Variants in FBLN7 observed in about 807,000 individuals in gnomAD.
The protein encoded by FBLN7 is fibulin-7.
Under a neutral mutation model 44.0 loss-of-function variants are expected in FBLN7, and 31 were observed. That is an observed-to-expected ratio of 0.70 (90% CI 0.53 to 0.95). The LOEUF (loss-of-function observed/expected upper bound fraction) is 0.95, where lower values mean the gene tolerates loss of function less well. Ranked by LOEUF, FBLN7 falls within the 40% of genes least tolerant of loss-of-function variation. The pLI is 0.00. For synonymous variants in FBLN7, 262 were observed against 253.4 expected, an observed-to-expected ratio of 1.03 and a Z score of -0.32; for missense variants, 573 against 618.5, an observed-to-expected ratio of 0.93 and a Z score of 0.78.
chr2:112,199,870 C>T, the FBLN7 span, among the ~76,000 whole-genome samples: 4 of 152,182 alleles, frequency 2.6e-5, no homozygotes, highest in East Asian at 7.7e-4. Context: ...CTCTCTGGCT[C>T]TCCTGCTGTT....
At chr2:112,236,664 A>G in the FBLN7 span, 4 of 1,613,072 alleles carry the variant, frequency 2.5e-6, no homozygotes, top group Non-Finnish European at 3.4e-6. Context: ...TCTTGTGACC[A>G]GCTTTAAGAT....
downstream of FBLN7, among the ~76,000 whole-genome samples, chr2:112,192,785 T>A (rs928913853): frequency 2.6e-5 from 4 of 152,198 alleles, no homozygotes; most frequent in African/African-American, 4.8e-5. Flanking sequence ...TTATGACTCT[T>A]AGCTTGTACA....
At chr2:112,210,943 G>A in the FBLN7 span, among the ~76,000 whole-genome samples, 33 of 152,250 alleles carry the variant, frequency 2.2e-4, 1 homozygote, top group Admixed American at 2.0e-3. Context: ...TGAGGGCTAC[G>A]GTGGGAAGAT....
At chr2:112,229,085 G>GA in the FBLN7 span, among the ~76,000 whole-genome samples, 3 of 152,148 alleles carry the variant, frequency 2.0e-5, no homozygotes, top group African/African-American at 7.2e-5. Context: ...ATATACTGGA[G>GA]AAAAAGACAA....
At chr2:112,169,761 A>C (rs1479326955) in intron 3 of FBLN7, among the ~76,000 whole-genome samples, 1 of 152,128 alleles carries the variant, frequency 6.6e-6, no homozygotes, top group Non-Finnish European at 1.5e-5. Flanking sequence ...ACACCAAGGG[A>C]AGCGAGCTGA....
At chr2:112,192,284 C>A (rs1385420208), downstream of FBLN7, among the ~76,000 whole-genome samples, 1 of 152,258 alleles carries the variant, frequency 6.6e-6, no homozygotes, top group South Asian at 2.1e-4. Context: ...TTTTCCACCC[C>A]CAACAGCAAT....
the FBLN7 span, among the ~76,000 whole-genome samples, chr2:112,193,810 T>TA: frequency 2.6e-5 from 4 of 152,128 alleles, no homozygotes; most frequent in Non-Finnish European, 5.9e-5. Context: ...TGGATGGCCA[T>TA]ATTGGGCTCA....
chr2:112,158,316 C>G (rs1681543939), intron 1 of FBLN7, among the ~76,000 whole-genome samples: 1 of 152,124 alleles, frequency 6.6e-6, no homozygotes, highest in South Asian at 2.1e-4. Flanking sequence ...GTGATTGCAG[C>G]TCACTGCAAC....
At chr2:112,243,057 C>T in the FBLN7 span, among the ~76,000 whole-genome samples, 4 of 152,204 alleles carry the variant, frequency 2.6e-5, no homozygotes, top group Admixed American at 6.5e-5. Context: ...CAATTTAAAA[C>T]CAGGTAAATA....
rs145108622 is a variant in FBLN7 at position 112,187,178 on chromosome 2, G to A, written c.992G>A (p.Arg331His). Residue 331 changes from arginine (R) to histidine (H), a missense_variant, in exon 8 of 8, where the codon CGC (arginine) becomes CAC (histidine). Transcript: ENST00000331203. The surrounding 1 kb of genome is among the most constrained non-coding windows in gnomAD (Gnocchi z 5.1). ...TGCCCCATGGACAGCAGGCCCTGCC[G>A]CCATCTGCCCAAGACCATCTCCTTC... Reference protein sequence around the residue: ...NPCPMDSRPCRHLPKTISFHY... With the variant: ...NPCPMDSRPCHHLPKTISFHY... The A allele has an allele frequency of 7.2e-5, 117 of 1,614,024 alleles. No individual in the cohort carries two copies. The highest frequency in any genetic ancestry group is 1.6e-4 in the Middle Eastern group (1 of 6,062).
chr2:112,159,893 G>C, intron 2 of FBLN7, 58 bp downstream of exon 2: 2 of 1,381,070 alleles, frequency 1.4e-6, no homozygotes, highest in Non-Finnish European at 1.9e-6. Flanking sequence ...CACTCTCCCC[G>C]AGACGCTCCC....
intron 1 of FBLN7, chr2:112,153,211 G>A (rs1681251688): frequency 6.6e-6 from 1 of 152,194 alleles, no homozygotes; most frequent in Non-Finnish European, 1.5e-5. Context: ...AATTCGACAT[G>A]ACTCAGACGC....
chr2:112,215,832 T>G, the FBLN7 span: 25 of 152,172 alleles, frequency 1.6e-4, no homozygotes, highest in Non-Finnish European at 2.9e-5. Flanking sequence ...ATTCTTATAT[T>G]TTAACAACAG....
chr2:112,147,157 C>T (rs1680934981), intron 1 of FBLN7, among the ~76,000 whole-genome samples: 1 of 152,064 alleles, frequency 6.6e-6, no homozygotes, highest in Admixed American at 6.5e-5. Flanking sequence ...TAGAATTTAC[C>T]AATGAAACCA....
the FBLN7 span, among the ~76,000 whole-genome samples, chr2:112,242,262 C>G: frequency 6.6e-6 from 1 of 152,188 alleles, no homozygotes; most frequent in Non-Finnish European, 1.5e-5. Context: ...CATATTTTTT[C>G]ATGGTTGAAA....
the FBLN7 span, chr2:112,234,386 C>T: frequency 3.4e-6 from 2 of 589,754 alleles, no homozygotes; most frequent in Non-Finnish European, 5.8e-6. Flanking sequence ...TTTCTGTACA[C>T]CAGGTTAAAA....
chr2:112,162,792 T>G (rs1338448095), intron 2 of FBLN7, among the ~76,000 whole-genome samples: 1 of 152,182 alleles, frequency 6.6e-6, no homozygotes, highest in African/African-American at 2.4e-5. Flanking sequence ...TCAGGTATGG[T>G]GTATTTGTGA....
intron 1 of FBLN7, 139 bp from the exon 2 acceptor site, chr2:112,159,537 C>G: frequency 1.0e-6 from 1 of 974,344 alleles, no homozygotes; most frequent in Non-Finnish European, 1.4e-6. Flanking sequence ...TGTCCAGCGG[C>G]AGGTCACTTT....
chr2:112,192,797 A>G (rs11123131), downstream of FBLN7, among the ~76,000 whole-genome samples: 106,119 of 152,062 alleles, frequency 0.7, 37,750 homozygotes, highest in African/African-American at 0.84. Context: ...GCTTGTACAT[A>G]TGAAAATCTC....
Sources: gnomAD v4.1 joint callset for allele counts (sites outside exome capture counted in the v4.1 genomes callset) on GRCh38, gnomAD v4.1.1 for gene constraint, Gnocchi (gnomAD v3.1) non-coding constraint, MANE v1.5 for transcripts, NCBI Gene and HGNC (gene_info 2026-07-23, HGNC 2026-07-21) for gene names.